Variants in SLC24A2 observed in about 807,000 individuals in gnomAD.
SLC24A2 encodes the protein sodium/potassium/calcium exchanger 2.
Under a neutral mutation model 62.0 loss-of-function variants are expected in SLC24A2, and 36 were observed. That is an observed-to-expected ratio of 0.58 (90% confidence interval 0.44 to 0.77). SLC24A2 has a LOEUF of 0.77. SLC24A2 is among the 30% of genes least tolerant of loss of function. The probability of loss-of-function intolerance (pLI) is 0.00; values close to 1 mark genes in which losing one functional copy is unlikely to be tolerated. For synonymous variants in SLC24A2, 358 were observed against 294.0 expected (o/e 1.22, Z -2.23); for missense variants, 846 against 817.9 (o/e 1.03, Z -0.42).
chr9:20,106,067 C>T, the SLC24A2 span, among the ~76,000 whole-genome samples: 1 of 152,200 alleles, frequency 6.6e-6, no homozygotes, highest in African/African-American at 2.4e-5. Context: ...ATACTACAAA[C>T]ACCTCTACGC....
chr9:20,272,241 G>A, the SLC24A2 span, among the ~76,000 whole-genome samples: 15,881 of 152,180 alleles, frequency 0.1, 1,035 homozygotes, highest in Middle Eastern at 0.16. Flanking sequence ...TTTTGAGACC[G>A]CCTAAAAGGG....
the SLC24A2 span, among the ~76,000 whole-genome samples, chr9:19,870,259 A>T: frequency 6.6e-6 from 1 of 152,134 alleles, no homozygotes; most frequent in Non-Finnish European, 1.5e-5. Context: ...TAGACATTTC[A>T]TACAAATGGA....
At chr9:20,155,416 A>G in the SLC24A2 span, among the ~76,000 whole-genome samples, 4 of 151,904 alleles carry the variant, frequency 2.6e-5, no homozygotes, top group African/African-American at 9.6e-5. Flanking sequence ...GAATTTATAG[A>G]ACAAGATCAT....
upstream of SLC24A2, among the ~76,000 whole-genome samples, chr9:19,789,342 G>A (rs1823275296): frequency 6.6e-6 from 1 of 152,246 alleles, no homozygotes; most frequent in Non-Finnish European, 1.5e-5. Flanking sequence ...ATCTTATGCT[G>A]GGCACCGCCT....
the SLC24A2 span, among the ~76,000 whole-genome samples, chr9:20,134,576 T>C: frequency 1.3e-5 from 2 of 152,122 alleles, no homozygotes; most frequent in Non-Finnish European, 2.9e-5. Context: ...ATTTAGAGAT[T>C]GGTAGGAATG....
At chr9:19,674,745 T>A (rs904948487) in intron 2 of SLC24A2, among the ~76,000 whole-genome samples, 3 of 152,180 alleles carry the variant, frequency 2.0e-5, no homozygotes, top group African/African-American at 7.2e-5. Flanking sequence ...CACTGAAGAT[T>A]TTTCCCTTCC....
At chr9:20,245,532 T>C in the SLC24A2 span, among the ~76,000 whole-genome samples, 3 of 152,162 alleles carry the variant, frequency 2.0e-5, no homozygotes, top group East Asian at 3.8e-4. Flanking sequence ...TCAGAAGCAG[T>C]TCATCAAAGG....
At chr9:20,200,079 C>G in the SLC24A2 span, among the ~76,000 whole-genome samples, 3 of 151,700 alleles carry the variant, frequency 2.0e-5, no homozygotes, top group Non-Finnish European at 4.4e-5. Context: ...AAATAAGAAA[C>G]AAAAATACTT....
At chr9:19,997,788 T>A in the SLC24A2 span, among the ~76,000 whole-genome samples, 1 of 152,234 alleles carries the variant, frequency 6.6e-6, no homozygotes, top group South Asian at 2.1e-4. Flanking sequence ...ACACATTTTA[T>A]TTGCCAATGA....
chr9:19,813,570 G>A, the SLC24A2 span, among the ~76,000 whole-genome samples: 3 of 151,798 alleles, frequency 2.0e-5, no homozygotes, highest in Admixed American at 6.6e-5. Flanking sequence ...CTACTCACCT[G>A]AGCCTTCCAA....
the SLC24A2 span, among the ~76,000 whole-genome samples, chr9:20,044,505 G>C: frequency 9.2e-5 from 14 of 152,250 alleles, no homozygotes; most frequent in African/African-American, 3.1e-4. Flanking sequence ...TGGCTGTGGA[G>C]TTACCGCTCA....
At chr9:19,720,698 C>G (rs1238680547) in intron 2 of SLC24A2, among the ~76,000 whole-genome samples, 1 of 83,906 alleles carries the variant, frequency 1.2e-5, no homozygotes, top group Non-Finnish European at 2.8e-5. Flanking sequence ...AACCCCCCCC[C>G]CCAAAAAAAA....
rs745388295 is a variant in SLC24A2 at position 19,520,908 on chromosome 9, A to G, written c.1722T>C (p.Phe574=). The G allele has an allele frequency of 1.9e-6, 3 of 1,613,952 alleles. No homozygotes were observed. The highest frequency in any genetic ancestry group is 1.7e-6 in the Non-Finnish European group (2 of 1,179,900). ...AVSSSVGSNI[F]DITVGLPLPW... is the part of the protein sequence containing the mutation. ...CCTCTACTCACCCTACAGTGATGTCAAAAATGTTGCTTCCAACAGAGCTGG... is the reference window on the plus strand; with the variant it reads ...CCTCTACTCACCCTACAGTGATGTCGAAAATGTTGCTTCCAACAGAGCTGG... Residue 574 remains phenylalanine, a synonymous_variant, in exon 10 of 11, where the codon TTT becomes TTC. Coordinates refer to ENST00000341998, the MANE Select transcript of SLC24A2 (RefSeq NM_020344.4).
the SLC24A2 span, among the ~76,000 whole-genome samples, chr9:20,095,683 TTATGTATCTATC>T: frequency 3.3e-5 from 5 of 152,138 alleles, no homozygotes. Flanking sequence ...TTCCTTATTT[TTATGTATCTATC>T]TATGGTATCT....
intron 2 of SLC24A2, among the ~76,000 whole-genome samples, chr9:19,785,339 CAATG>C (rs571207762): frequency 1.1e-3 from 173 of 152,252 alleles, no homozygotes; most frequent in African/African-American, 3.9e-3. Context: ...CAGGGCTGGC[CAATG>C]ATTCTCTTTA....
the SLC24A2 span, among the ~76,000 whole-genome samples, chr9:20,131,733 C>A: frequency 6.6e-6 from 1 of 152,076 alleles, no homozygotes. Flanking sequence ...ATATCAAAGA[C>A]AAGGGTCCCT....
At chr9:20,201,465 G>C in the SLC24A2 span, among the ~76,000 whole-genome samples, 222 of 152,282 alleles carry the variant, frequency 1.5e-3, 1 homozygote, top group African/African-American at 5.2e-3. Context: ...AGAGGGGATA[G>C]AAGAGACAGT....
chr9:20,184,208 T>G, the SLC24A2 span, among the ~76,000 whole-genome samples: 1 of 152,182 alleles, frequency 6.6e-6, no homozygotes, highest in Non-Finnish European at 1.5e-5. Flanking sequence ...AAATTAAAAC[T>G]ACAATGAGAT....
the SLC24A2 span, among the ~76,000 whole-genome samples, chr9:20,256,855 A>G: frequency 3.2e-4 from 48 of 152,142 alleles, no homozygotes; most frequent in African/African-American, 1.1e-3. Context: ...TTGAGCATGA[A>G]ATAGTCCCCA....
Sources: allele counts gnomAD v4.1 joint callset (sites outside exome capture counted in the v4.1 genomes callset), GRCh38; gene constraint gnomAD v4.1.1; transcripts MANE v1.5; gene names NCBI Gene and HGNC (gene_info 2026-07-23, HGNC 2026-07-21).